The following PKNOX2 variants were observed in gnomAD, a reference collection of about 807,000 sequenced individuals.
PKNOX2 encodes PBX/knotted 1 homeobox 2, also known as homeobox protein PKNOX2.
Under a neutral mutation model 53.1 loss-of-function variants are expected in PKNOX2, and 14 were observed. The ratio of observed to expected loss-of-function variants is 0.26; its 90% confidence interval spans 0.17 to 0.41. The LOEUF is 0.41. PKNOX2 is among the 10% of genes least tolerant of loss of function. PKNOX2 has a pLI of 1.00. For missense variants in PKNOX2, 496 were observed against 602.8 expected (o/e 0.82, Z 1.85); for synonymous variants, 257 against 242.8 (o/e 1.06, Z -0.54).
intron 5 of PKNOX2, among the ~76,000 whole-genome samples, chr11:125,371,179 G>C (rs1952515624): frequency 6.6e-6 from 1 of 152,114 alleles, no homozygotes; most frequent in Non-Finnish European, 1.5e-5. Flanking sequence ...AAAGCAACCA[G>C]GGGCTCCGGC....
chr11:125,255,002 A>G (rs956390409), intron 2 of PKNOX2, among the ~76,000 whole-genome samples: 13 of 152,180 alleles, frequency 8.5e-5, no homozygotes, highest in African/African-American at 3.1e-4. Context: ...ATTGTGCTAG[A>G]TATTGAGGAT....
chr11:125,175,319 G>A (rs187109129), intron 1 of PKNOX2, among the ~76,000 whole-genome samples: 21 of 152,364 alleles, frequency 1.4e-4, no homozygotes, highest in Admixed American at 3.9e-4. Context: ...GCTGCTGGCA[G>A]GGGTAATGGG....
chr11:125,304,861 C>T (rs1336692532), intron 2 of PKNOX2, among the ~76,000 whole-genome samples: 1 of 152,176 alleles, frequency 6.6e-6, no homozygotes, highest in African/African-American at 2.4e-5. Flanking sequence ...AAACCAAGAT[C>T]CCTGCCCATG....
intron 2 of PKNOX2, among the ~76,000 whole-genome samples, chr11:125,246,705 G>A (rs1943592411): frequency 1.3e-5 from 2 of 152,120 alleles, no homozygotes; most frequent in Non-Finnish European, 2.9e-5. Flanking sequence ...GAATATTAAG[G>A]GAAATGTTAG....
intron 10 of PKNOX2, among the ~76,000 whole-genome samples, chr11:125,424,459 G>T (rs1013242262): frequency 6.6e-6 from 1 of 152,074 alleles, no homozygotes; most frequent in Non-Finnish European, 1.5e-5. Flanking sequence ...CATCCTGGCT[G>T]CCTTCCTCTG....
Position 125,374,165 on chromosome 11 carries a change from C to T in PKNOX2, c.227+6180C>T, listed in dbSNP as rs1016035375. ...CAGTGAAGTTGACCCTGGGGCTTAACCCTCTGCCTTCCCTGGCATTAGGCT... is the reference window on the plus strand; with the variant it reads ...CAGTGAAGTTGACCCTGGGGCTTAATCCTCTGCCTTCCCTGGCATTAGGCT... On this transcript the variant is annotated intron_variant, in intron 5 of 12. Coordinates refer to ENST00000298282, the MANE Select transcript of PKNOX2 (RefSeq NM_001382323.2). Among the ~76,000 whole-genome samples, 19 of 152,294 alleles carry T rather than the reference C, an allele frequency of 1.2e-4. No homozygotes were observed. The Middle Eastern group carries it at 0.01, about 82-fold the overall frequency.
intron 7 of PKNOX2, chr11:125,409,953 G>A (rs908608197): frequency 4.5e-5 from 19 of 418,020 alleles, no homozygotes; most frequent in African/African-American, 3.6e-4. Flanking sequence ...TTGTGCCTTA[G>A]GTTTTCAGGG....
intron 6 of PKNOX2, among the ~76,000 whole-genome samples, chr11:125,385,928 C>T (rs1953601407): frequency 6.6e-6 from 1 of 152,214 alleles, no homozygotes; most frequent in Non-Finnish European, 1.5e-5. Context: ...GGCTTTGCTG[C>T]CAAAGTTCTG....
intron 7 of PKNOX2, among the ~76,000 whole-genome samples, 161 bp downstream of exon 7, chr11:125,398,223 T>G (rs964093345): frequency 1.1e-4 from 16 of 152,192 alleles, no homozygotes; most frequent in Non-Finnish European, 1.8e-4. Flanking sequence ...TCATATCCAT[T>G]AGGCCATCCC....
At chr11:125,187,081 C>T (rs1956493446) in intron 1 of PKNOX2, among the ~76,000 whole-genome samples, 1 of 152,160 alleles carries the variant, frequency 6.6e-6, no homozygotes, top group Non-Finnish European at 1.5e-5. Flanking sequence ...ATGTCCATCC[C>T]CATACCAGTA....
intron 1 of PKNOX2, among the ~76,000 whole-genome samples, chr11:125,226,318 G>A (rs867157028): frequency 6.6e-6 from 1 of 152,148 alleles, no homozygotes; most frequent in African/African-American, 2.4e-5. Flanking sequence ...AGGGGATGTG[G>A]ATAGCCTTGA....
In PKNOX2 at chr11:125,261,384, G is replaced by A. The variant is rs542704040; in HGVS notation, c.-130+26269G>A. ...GACCATGATTGCCAAGCGAGTGCCT[G>A]CACTTTGCCTTAAGAAATGAGCTCA... On this transcript the variant is annotated intron_variant, in intron 2 of 12. Coordinates refer to ENST00000298282, the MANE Select transcript of PKNOX2 (RefSeq NM_001382323.2). Among the ~76,000 whole-genome samples the A allele has an allele frequency of 5.3e-5, 8 of 152,328 alleles. No homozygotes were observed. The South Asian group carries it at 1.5e-3, about 28-fold the overall frequency.
chr11:125,347,864 G>A (rs1951067071), intron 3 of PKNOX2, among the ~76,000 whole-genome samples: 1 of 152,196 alleles, frequency 6.6e-6, no homozygotes, highest in Non-Finnish European at 1.5e-5. Context: ...TGTTCGCGAT[G>A]GGAAATCTCT....
intron 7 of PKNOX2, among the ~76,000 whole-genome samples, chr11:125,404,470 C>T (rs1224856047): frequency 6.6e-6 from 1 of 152,192 alleles, no homozygotes; most frequent in Non-Finnish European, 1.5e-5. Flanking sequence ...TTGGCTTTCC[C>T]GAGTTTGGGA....
chr11:125,414,277 G>A (rs922475363), intron 10 of PKNOX2, among the ~76,000 whole-genome samples: 10 of 152,184 alleles, frequency 6.6e-5, no homozygotes, highest in Non-Finnish European at 1.2e-4. Context: ...AGGACTTGCC[G>A]AAACGCATGA....
intron 1 of PKNOX2, among the ~76,000 whole-genome samples, chr11:125,234,638 G>A (rs1591490176): frequency 1.3e-5 from 2 of 152,122 alleles, no homozygotes; most frequent in South Asian, 4.2e-4. Context: ...GTTTCATAGG[G>A]ACCCTTCTGC....
At chr11:125,232,270 C>G (rs1461597246) in intron 1 of PKNOX2, among the ~76,000 whole-genome samples, 1 of 152,206 alleles carries the variant, frequency 6.6e-6, no homozygotes, top group African/African-American at 2.4e-5. Flanking sequence ...AGATACATCT[C>G]TAGTTTTTTC....
chr11:125,378,976 T>G (rs542637258), intron 5 of PKNOX2, among the ~76,000 whole-genome samples: 98 of 149,844 alleles, frequency 6.5e-4, no homozygotes, highest in African/African-American at 2.2e-3. Flanking sequence ...AAATGTTTGT[T>G]TTTTTTTTTT....
At chr11:125,253,686 C>T (rs769140757) in intron 2 of PKNOX2, among the ~76,000 whole-genome samples, 11 of 152,214 alleles carry the variant, frequency 7.2e-5, no homozygotes, top group Non-Finnish European at 1.5e-4. Context: ...TCACTCATCT[C>T]TATCACTGGC....
Sources: gnomAD v4.1 joint callset for allele counts (sites outside exome capture counted in the v4.1 genomes callset) on GRCh38, gnomAD v4.1.1 for gene constraint, MANE v1.5 for transcripts, NCBI Gene and HGNC (gene_info 2026-07-23, HGNC 2026-07-21) for gene names.